Variants in CTIF observed in about 807,000 individuals in gnomAD.
CTIF encodes the protein CBP80/20-dependent translation initiation factor.
Under a neutral mutation model 66.0 loss-of-function variants are expected in CTIF, and 21 were observed. The observed-to-expected ratio is 0.32, with a 90% CI of 0.23 to 0.46. CTIF has a LOEUF of 0.46. Ranked by LOEUF, CTIF falls within the 20% of genes least tolerant of loss-of-function variation. CTIF has a pLI of 1.00. For missense variants in CTIF, 739 were observed against 812.7 expected, an observed-to-expected ratio of 0.91 and a Z score of 1.10; for synonymous variants, 345 against 326.4, an observed-to-expected ratio of 1.06 and a Z score of -0.62.
chr18:48,738,224 C>T (rs2092521202), intron 7 of CTIF, among the ~76,000 whole-genome samples: 1 of 152,226 alleles, frequency 6.6e-6, no homozygotes, highest in Admixed American at 6.5e-5. Flanking sequence ...AGGATCTCCA[C>T]CTCTTACTCC....
At chr18:48,711,561 G>A in intron 6 of CTIF, 58 bp from the exon 7 acceptor site, 2 of 1,370,832 alleles carry the variant, frequency 1.5e-6, no homozygotes, top group Non-Finnish European at 1.0e-6. Context: ...AGTCCCAGAG[G>A]TGCTTTGCTC....
intron 6 of CTIF, chr18:48,692,720 C>T (rs749392225): frequency 6.6e-6 from 1 of 152,208 alleles, no homozygotes; most frequent in Non-Finnish European, 1.5e-5. Flanking sequence ...TAGCGGAACC[C>T]TACAACAATG....
At chr18:48,606,447 C>T (rs2090202427) in intron 1 of CTIF, among the ~76,000 whole-genome samples, 2 of 152,220 alleles carry the variant, frequency 1.3e-5, no homozygotes, top group South Asian at 4.1e-4. Flanking sequence ...TGCCTAACTG[C>T]AGCCGCAGGG....
intron 3 of CTIF, among the ~76,000 whole-genome samples, chr18:48,651,920 A>G (rs2091161933): frequency 1.3e-5 from 2 of 152,384 alleles, no homozygotes; most frequent in South Asian, 4.1e-4. Flanking sequence ...GAAACCAGTG[A>G]GAACAAAGAC....
intron 3 of CTIF, among the ~76,000 whole-genome samples, chr18:48,642,846 C>G (rs144967505): frequency 6.6e-6 from 1 of 152,322 alleles, no homozygotes; most frequent in Non-Finnish European, 1.5e-5. Context: ...GTTGCCATGA[C>G]AGAGAAAAAG....
chr18:48,807,769 A>T (rs2068180625), intron 9 of CTIF, among the ~76,000 whole-genome samples: 3 of 151,982 alleles, frequency 2.0e-5, no homozygotes, highest in Admixed American at 2.0e-4. Context: ...TTTAGTAGAG[A>T]TGGGGTTTCA....
chr18:48,856,890 G>C (rs1186085802), intron 10 of CTIF, among the ~76,000 whole-genome samples: 2 of 152,354 alleles, frequency 1.3e-5, no homozygotes, highest in Middle Eastern at 3.4e-3. Context: ...CTTTAAAATG[G>C]TGGATTTTGT....
intron 6 of CTIF, among the ~76,000 whole-genome samples, chr18:48,695,261 T>G (rs2091989214): frequency 6.6e-6 from 1 of 152,256 alleles, no homozygotes. Flanking sequence ...TGTAGCTTGT[T>G]TAAAGCCACA....
intron 7 of CTIF, 35 bp from the exon 8 acceptor site, chr18:48,757,884 G>A: frequency 1.9e-6 from 3 of 1,587,100 alleles, no homozygotes; most frequent in Non-Finnish European, 2.6e-6. Context: ...CCCGCCCAGT[G>A]ATCGCCTTCT....
intron 10 of CTIF, among the ~76,000 whole-genome samples, chr18:48,849,130 G>T (rs777851667): frequency 6.6e-6 from 1 of 151,616 alleles, no homozygotes; most frequent in African/African-American, 2.4e-5. Flanking sequence ...GTCTTCCAGA[G>T]GTGACAGCAG....
At chr18:48,736,955 A>G (rs974589571) in intron 7 of CTIF, among the ~76,000 whole-genome samples, 6 of 152,074 alleles carry the variant, frequency 3.9e-5, no homozygotes, top group Non-Finnish European at 8.8e-5. Context: ...GCATCTGCTC[A>G]AACTGCTGCT....
chr18:48,820,792 C>T (rs1012731139), intron 10 of CTIF, among the ~76,000 whole-genome samples: 1 of 152,238 alleles, frequency 6.6e-6, no homozygotes, highest in Admixed American at 6.5e-5. Flanking sequence ...AACCCACAGG[C>T]CATCTCTGAG....
chr18:48,719,785 A>G (rs1028632934), intron 7 of CTIF, among the ~76,000 whole-genome samples: 3 of 152,158 alleles, frequency 2.0e-5, no homozygotes, highest in African/African-American at 7.2e-5. Flanking sequence ...TGCTATTTTA[A>G]ATGGCTCCTA....
Position 48,720,813 on chromosome 18 carries a change from G to A in CTIF, c.584+9118G>A, listed in dbSNP as rs1293469185. On this transcript the variant is annotated intron_variant, in intron 7 of 11. Coordinates refer to ENST00000256413, the MANE Select transcript of CTIF (RefSeq NM_014772.3). ...TTGCACAGTGCAGCTGCCTCAGGCC[G>A]CACTCCTGGGCAGAACAAGCTGCAG... 3.3e-5 allele frequency among the ~76,000 whole-genome samples: 5 copies of A among 152,256 alleles called. No individual in the cohort carries two copies. The South Asian group carries it at 8.3e-4, about 25-fold the overall frequency.
intron 7 of CTIF, among the ~76,000 whole-genome samples, chr18:48,728,658 G>A (rs1476630207): frequency 2.0e-5 from 3 of 152,028 alleles, no homozygotes; most frequent in Non-Finnish European, 4.4e-5. Flanking sequence ...TTGGCTGGAG[G>A]CTTCATTTCC....
chr18:48,744,231 T>C (rs2092577300), intron 7 of CTIF, among the ~76,000 whole-genome samples: 1 of 152,198 alleles, frequency 6.6e-6, no homozygotes, highest in Admixed American at 6.5e-5. Context: ...CATCCTACGG[T>C]GAGGGGTCTC....
chr18:48,596,059 A>AAGCAAGTC (rs756986368), intron 1 of CTIF, among the ~76,000 whole-genome samples: 44 of 152,164 alleles, frequency 2.9e-4, no homozygotes, highest in Non-Finnish European at 2.5e-4. Flanking sequence ...TATTTGTTAG[A>AAGCAAGTC]AGCAAGTCAC....
At chr18:48,580,302 C>T (rs1445629463) in intron 1 of CTIF, among the ~76,000 whole-genome samples, 1 of 152,218 alleles carries the variant, frequency 6.6e-6, no homozygotes, top group Non-Finnish European at 1.5e-5. Flanking sequence ...GTCAATGACA[C>T]ATCTCCAATC....
intron 1 of CTIF, among the ~76,000 whole-genome samples, chr18:48,575,087 C>CT (rs1269747776): frequency 6.6e-6 from 1 of 152,222 alleles, no homozygotes; most frequent in Non-Finnish European, 1.5e-5. Flanking sequence ...GCCAGGACTC[C>CT]TGGGGGCAGG....
Sources: gnomAD v4.1 joint callset for allele counts (sites outside exome capture counted in the v4.1 genomes callset) on GRCh38, gnomAD v4.1.1 for gene constraint, MANE v1.5 for transcripts, NCBI Gene and HGNC (gene_info 2026-07-23, HGNC 2026-07-21) for gene names.